The following VRK2 variants were observed in gnomAD, a reference collection of about 807,000 sequenced individuals.
The protein encoded by VRK2 is VRK serine/threonine kinase 2.
VRK2 carries 60 observed loss-of-function variants against 57.6 expected under a neutral mutation model. The observed-to-expected ratio is 1.04, with a 90% CI of 0.85 to 1.29. VRK2 has a LOEUF of 1.29. Among genes scored for constraint, VRK2 ranks in the 50% most tolerant of loss-of-function variants. The probability of loss-of-function intolerance (pLI) is 0.00; values close to 1 mark genes in which losing one functional copy is unlikely to be tolerated. For missense variants in VRK2, 705 were observed against 588.1 expected (o/e 1.20, Z -2.06); for synonymous variants, 231 against 199.2 (o/e 1.16, Z -1.35).
intron 10 of VRK2, among the ~76,000 whole-genome samples, chr2:58,135,850 TG>T (rs1251381460): frequency 6.6e-6 from 1 of 152,228 alleles, no homozygotes; most frequent in African/African-American, 2.4e-5. Flanking sequence ...ATACACAACA[TG>T]TTATTCAACA....
intron 2 of VRK2, among the ~76,000 whole-genome samples, chr2:58,073,453 C>T (rs1440109030): frequency 6.6e-6 from 1 of 151,782 alleles, no homozygotes; most frequent in African/African-American, 2.4e-5. Context: ...CCTTCCAGTT[C>T]TCTTAGTTTT....
intron 1 of VRK2, among the ~76,000 whole-genome samples, chr2:57,954,897 G>T (rs1376792862): frequency 6.6e-6 from 1 of 152,144 alleles, no homozygotes; most frequent in African/African-American, 2.4e-5. Flanking sequence ...ACAGAAAAAA[G>T]AAGCCGTGCA....
chr2:58,038,419 T>C (rs1558553409), intron 3 of VRK2, among the ~76,000 whole-genome samples: 2 of 152,132 alleles, frequency 1.3e-5, no homozygotes, highest in South Asian at 2.1e-4. Flanking sequence ...TGGACTAACA[T>C]GAGCACACAC....
At chr2:57,982,143 T>C (rs1672439974) in intron 1 of VRK2, among the ~76,000 whole-genome samples, 1 of 152,196 alleles carries the variant, frequency 6.6e-6, no homozygotes. Flanking sequence ...CTGGATGCTT[T>C]CAGGGGCCAA....
intron 5 of VRK2, among the ~76,000 whole-genome samples, 162 bp downstream of exon 5, chr2:58,086,588 T>C (rs1189715023): frequency 6.6e-6 from 1 of 152,184 alleles, no homozygotes; most frequent in Non-Finnish European, 1.5e-5. Flanking sequence ...AAGTGGCTTA[T>C]CTGTATGATT....
intron 2 of VRK2, among the ~76,000 whole-genome samples, chr2:58,071,567 C>A (rs1051961642): frequency 6.6e-6 from 1 of 151,978 alleles, no homozygotes; most frequent in African/African-American, 2.4e-5. Flanking sequence ...TATTGAATTG[C>A]CTTTGCTTTT....
chr2:58,109,403 G>C (rs1243888261), intron 7 of VRK2, among the ~76,000 whole-genome samples: 3 of 151,290 alleles, frequency 2.0e-5, no homozygotes, highest in Non-Finnish European at 2.9e-5. Context: ...TGCTTAAAAG[G>C]ATCTGTAGTA....
chr2:58,095,293 C>CAAAAAAAAAAA (rs1231159019), intron 7 of VRK2, among the ~76,000 whole-genome samples: 5 of 66,642 alleles, frequency 7.5e-5, no homozygotes, highest in East Asian at 5.2e-4. Context: ...GACTCCGTCT[C>CAAAAAAAAAAA]AAAAAAAAAA....
At chr2:58,096,810 G>GT (rs1422876680) in intron 7 of VRK2, among the ~76,000 whole-genome samples, 1 of 151,522 alleles carries the variant, frequency 6.6e-6, no homozygotes, top group Non-Finnish European at 1.5e-5. Context: ...CTCCATAAGA[G>GT]TTTAAGGCTA....
intron 12 of VRK2, chr2:58,147,294 A>G (rs1331428103): frequency 2.3e-6 from 1 of 431,842 alleles, no homozygotes; most frequent in South Asian, 1.8e-5. Flanking sequence ...AAGTTTATCC[A>G]GAGACAGAAA....
At chr2:58,106,500 A>G (rs1674774750) in intron 7 of VRK2, among the ~76,000 whole-genome samples, 1 of 152,070 alleles carries the variant, frequency 6.6e-6, no homozygotes, top group Admixed American at 6.6e-5. Context: ...TATTTAAGGC[A>G]GTCATAGTCT....
chr2:57,981,354 A>C (rs1363448654), intron 1 of VRK2, among the ~76,000 whole-genome samples: 1 of 152,154 alleles, frequency 6.6e-6, no homozygotes, highest in African/African-American at 2.4e-5. Context: ...GGTGGGTGGA[A>C]TGTAGGCCCC....
At chr2:58,058,017 A>G (rs1676785843) in intron 2 of VRK2, among the ~76,000 whole-genome samples, 1 of 152,074 alleles carries the variant, frequency 6.6e-6, no homozygotes, top group African/African-American at 2.4e-5. Flanking sequence ...ACTGTCTTTA[A>G]TTTGCAATCC....
intron 1 of VRK2, among the ~76,000 whole-genome samples, chr2:58,008,745 G>A (rs1028735379): frequency 6.6e-6 from 1 of 152,034 alleles, no homozygotes; most frequent in African/African-American, 2.4e-5. Context: ...TCAATAGACT[G>A]GTTATATCTG....
chr2:57,916,033 T>C (rs888430169), intron 1 of VRK2, among the ~76,000 whole-genome samples: 3 of 152,096 alleles, frequency 2.0e-5, no homozygotes, highest in Non-Finnish European at 4.4e-5. Context: ...TGGTCCCTGG[T>C]GCCAAAAGGC....
chr2:58,045,330 G>A (rs1269608267), upstream of VRK2, among the ~76,000 whole-genome samples: 1 of 152,156 alleles, frequency 6.6e-6, no homozygotes, highest in South Asian at 2.1e-4. Context: ...ATACATGCCT[G>A]TAGGGAGAGG....
At chr2:58,154,915 T>G (rs1385840606) in intron 12 of VRK2, 2 of 547,522 alleles carry the variant, frequency 3.7e-6, no homozygotes, top group African/African-American at 1.9e-5. Flanking sequence ...TTGAGACTTT[T>G]AATACCTTAT....
intron 1 of VRK2, among the ~76,000 whole-genome samples, chr2:57,951,761 T>A (rs1329865866): frequency 6.6e-6 from 1 of 152,102 alleles, no homozygotes; most frequent in African/African-American, 2.4e-5. Flanking sequence ...AAAGCATTTT[T>A]TTCTGAGTTG....
chr2:58,005,342 G>A (rs527449849), intron 1 of VRK2, among the ~76,000 whole-genome samples: 1 of 152,096 alleles, frequency 6.6e-6, no homozygotes, highest in South Asian at 2.1e-4. Context: ...GCTCATAATG[G>A]AAAATTTCAA....
Sources: gnomAD v4.1 joint callset for allele counts (sites outside exome capture counted in the v4.1 genomes callset) on GRCh38, gnomAD v4.1.1 for gene constraint, MANE v1.5 for transcripts, NCBI Gene and HGNC (gene_info 2026-07-23, HGNC 2026-07-21) for gene names.